The following IGSF11 variants were observed in gnomAD, a reference collection of about 807,000 sequenced individuals.
IGSF11 encodes immunoglobulin superfamily member 11.
Under a neutral mutation model 41.0 loss-of-function variants are expected in IGSF11, and 22 were observed. The observed-to-expected ratio is 0.54, with a 90% CI of 0.38 to 0.77. The LOEUF (loss-of-function observed/expected upper bound fraction) is 0.77. IGSF11 is among the 30% of genes least tolerant of loss of function. IGSF11 has a pLI of 0.00. For missense variants in IGSF11, 444 were observed against 530.8 expected, an observed-to-expected ratio of 0.84 and a Z score of 1.61; for synonymous variants, 219 against 201.3, an observed-to-expected ratio of 1.09 and a Z score of -0.74.
intron 1 of IGSF11, among the ~76,000 whole-genome samples, chr3:118,999,876 T>C (rs1203401301): frequency 1.3e-5 from 2 of 152,078 alleles, no homozygotes; most frequent in African/African-American, 2.4e-5. Context: ...CAAAGCAAGA[T>C]GACTAGAGTA....
intron 1 of IGSF11, among the ~76,000 whole-genome samples, chr3:119,125,031 A>T (rs2077383615): frequency 6.6e-6 from 1 of 152,238 alleles, no homozygotes; most frequent in Non-Finnish European, 1.5e-5. Context: ...AAGGAAAAAA[A>T]CTTTTACCCT....
chr3:118,926,908 A>C (rs1159568876), intron 3 of IGSF11, among the ~76,000 whole-genome samples: 1 of 152,236 alleles, frequency 6.6e-6, no homozygotes, highest in Admixed American at 6.5e-5. Context: ...AAAACAAAAC[A>C]AAACCATAAA....
chr3:119,040,706 T>C (rs148670764), intron 1 of IGSF11, among the ~76,000 whole-genome samples: 1 of 152,238 alleles, frequency 6.6e-6, no homozygotes, highest in Non-Finnish European at 1.5e-5. Context: ...GAATTCTCAG[T>C]GTCTTTAACA....
At chr3:119,008,747 A>T (rs1434256468) in intron 1 of IGSF11, among the ~76,000 whole-genome samples, 1 of 152,194 alleles carries the variant, frequency 6.6e-6, no homozygotes, top group Non-Finnish European at 1.5e-5. Flanking sequence ...GTCAAACATT[A>T]TTCTGGGCAT....
chr3:118,923,931 C>T (rs1049924444), intron 4 of IGSF11, among the ~76,000 whole-genome samples: 1 of 152,134 alleles, frequency 6.6e-6, no homozygotes, highest in African/African-American at 2.4e-5. Flanking sequence ...AGGTCTCTCC[C>T]TTACGAAGTT....
chr3:118,903,650 G>C (rs912345814), intron 6 of IGSF11, among the ~76,000 whole-genome samples: 4 of 152,118 alleles, frequency 2.6e-5, no homozygotes, highest in Non-Finnish European at 4.4e-5. Context: ...CAGTCTAAAA[G>C]AAGTCATTTA....
intron 1 of IGSF11, among the ~76,000 whole-genome samples, chr3:118,973,859 C>T (rs1177283397): frequency 6.6e-6 from 1 of 152,026 alleles, no homozygotes; most frequent in Admixed American, 6.6e-5. Context: ...CATCAGAAAA[C>T]CAAACACCGC....
chr3:119,108,174 T>G (rs1414713111), upstream of IGSF11, among the ~76,000 whole-genome samples: 3 of 151,464 alleles, frequency 2.0e-5, no homozygotes, highest in Non-Finnish European at 4.4e-5. Context: ...TAAATTACCT[T>G]GGGCAGTATG....
chr3:119,060,334 G>C (rs374097890), intron 1 of IGSF11, among the ~76,000 whole-genome samples: 1 of 152,044 alleles, frequency 6.6e-6, no homozygotes, highest in South Asian at 2.1e-4. Context: ...TTTTAAACCA[G>C]CAACATCCAA....
At chr3:118,957,071 G>A (rs1231817243) in intron 1 of IGSF11, among the ~76,000 whole-genome samples, 2 of 152,070 alleles carry the variant, frequency 1.3e-5, no homozygotes, top group African/African-American at 4.8e-5. Context: ...GTGTAACTCA[G>A]TCCAAATCTG....
chr3:119,051,153 TAATAAATA>T (rs200702102), intron 1 of IGSF11, among the ~76,000 whole-genome samples: 75 of 149,178 alleles, frequency 5.0e-4, no homozygotes, highest in African/African-American at 9.3e-4. Flanking sequence ...TAATAATAAT[TAATAAATA>T]AATAAATAAA....
At chr3:118,987,241 A>G (rs1449092365) in intron 1 of IGSF11, among the ~76,000 whole-genome samples, 1 of 152,342 alleles carries the variant, frequency 6.6e-6, no homozygotes, top group Admixed American at 6.5e-5. Context: ...TAACTAGAAA[A>G]GTGAGGCCAG....
intron 1 of IGSF11, among the ~76,000 whole-genome samples, chr3:118,971,934 A>G (rs1354773637): frequency 6.6e-6 from 1 of 152,246 alleles, no homozygotes; most frequent in Non-Finnish European, 1.5e-5. Flanking sequence ...CATGTTTAAG[A>G]TAACATATTC....
intron 1 of IGSF11, among the ~76,000 whole-genome samples, chr3:118,982,740 C>A (rs1934860415): frequency 6.6e-6 from 1 of 152,104 alleles, no homozygotes; most frequent in Admixed American, 6.5e-5. Context: ...CTAAAAATGA[C>A]CCCTCGACAG....
chr3:119,090,630 G>A (rs1292640955), intron 1 of IGSF11, among the ~76,000 whole-genome samples: 1 of 152,122 alleles, frequency 6.6e-6, no homozygotes, highest in African/African-American at 2.4e-5. Context: ...AACAAGCAAT[G>A]GGAAAAGGAT....
intron 1 of IGSF11, among the ~76,000 whole-genome samples, chr3:119,012,063 T>TC (rs1938194866): frequency 6.6e-6 from 1 of 151,992 alleles, no homozygotes; most frequent in Non-Finnish European, 1.5e-5. Context: ...GCGAGAGCAC[T>TC]AGAAAGAATT....
chr3:118,931,396 A>G (rs576922876), intron 1 of IGSF11, among the ~76,000 whole-genome samples: 1 of 152,356 alleles, frequency 6.6e-6, no homozygotes, highest in African/African-American at 2.4e-5. Flanking sequence ...TGAAAAGGAA[A>G]TAATACAAAT....
At chr3:119,109,140 A>G (rs1379129077), upstream of IGSF11, among the ~76,000 whole-genome samples, 7 of 137,968 alleles carry the variant, frequency 5.1e-5, no homozygotes, top group African/African-American at 1.6e-4. Flanking sequence ...TTTTCTATTG[A>G]TTGGAATAGT....
In IGSF11 at chr3:118,926,478, T is replaced by C. The variant is rs368614216; in HGVS notation, c.425-222A>G. ...AGCTTTGGTAAGCAGGGGGCAAATATGTACAAAGGGGCTTCACTCTTTGAT... is the reference window on the plus strand; with the variant it reads ...AGCTTTGGTAAGCAGGGGGCAAATACGTACAAAGGGGCTTCACTCTTTGAT... On this transcript the variant is annotated intron_variant, in intron 3 of 6. Transcript: ENST00000393775. 7.2e-5 allele frequency among the ~76,000 whole-genome samples: 11 copies of C among 152,290 alleles called. No individual in the cohort carries two copies. In the South Asian group the frequency reaches 1.2e-3, roughly 17 times the overall value.
Sources: gnomAD v4.1 joint callset for allele counts (sites outside exome capture counted in the v4.1 genomes callset) on GRCh38, gnomAD v4.1.1 for gene constraint, MANE v1.5 for transcripts, NCBI Gene and HGNC (gene_info 2026-07-23, HGNC 2026-07-21) for gene names.